The following UGT3A1 variants were observed in gnomAD, a reference collection of about 807,000 sequenced individuals.
The protein encoded by UGT3A1 is UDP glycosyltransferase family 3 member A1.
Under a neutral mutation model 37.6 loss-of-function variants are expected in UGT3A1, and 40 were observed. That is an observed-to-expected ratio of 1.06 (90% CI 0.83 to 1.38). UGT3A1 has a LOEUF of 1.38. UGT3A1 is among the 40% of genes most tolerant of loss of function. UGT3A1 has a pLI of 0.00. For synonymous variants in UGT3A1, 256 were observed against 232.3 expected (o/e 1.10, Z -0.93); for missense variants, 642 against 634.2 (o/e 1.01, Z -0.13).
chr5:35,957,331 T>G lies in UGT3A1; in HGVS notation c.932A>C (p.Glu311Ala). 6.2e-7 allele frequency: 1 copy of G among 1,614,176 alleles called. No homozygotes were observed. ...GSMLNTHQSQ[E>A]VLKKMHNAFA... The stretch of plus-strand genomic sequence containing the variant: ...GGCATTGTGCATCTTCTTGAGGACT[T>G]CCTGGGACTGATGGGTGTTCAACAT... Residue 311 changes from glutamate to alanine, a missense_variant, in exon 5 of 7, where the codon GAA becomes GCA. By Grantham distance (107) the Glu-to-Ala change is moderately radical (BLOSUM62 -1). Transcript: ENST00000274278.
At chr5:35,964,068 A>G (rs1739698113) in intron 4 of UGT3A1, among the ~76,000 whole-genome samples, 1 of 146,766 alleles carries the variant, frequency 6.8e-6, no homozygotes, top group East Asian at 2.0e-4. Context: ...AGTGTACTCA[A>G]TGCCACTGAA....
intron 1 of UGT3A1, among the ~76,000 whole-genome samples, chr5:35,998,984 C>T (rs948637190): frequency 2.0e-5 from 3 of 152,066 alleles, no homozygotes; most frequent in Non-Finnish European, 4.4e-5. Flanking sequence ...CGCCTGTAAT[C>T]CCAGCACTTT....
chr5:35,974,391 C>T (rs144028089), intron 2 of UGT3A1, among the ~76,000 whole-genome samples: 1 of 152,252 alleles, frequency 6.6e-6, no homozygotes, highest in African/African-American at 2.4e-5. Flanking sequence ...TGTAAGCTAG[C>T]ATGGTTGGAA....
At chr5:35,991,836 A>G (rs10056322), upstream of UGT3A1, among the ~76,000 whole-genome samples, 67 of 152,334 alleles carry the variant, frequency 4.4e-4, no homozygotes, top group African/African-American at 1.6e-3. Flanking sequence ...GATAACATTC[A>G]TGAAGAGGAG....
chr5:36,001,015 G>A (rs770651244), exon 1 of UGT3A1: 1 of 152,192 alleles, frequency 6.6e-6, no homozygotes, highest in African/African-American at 2.4e-5. Context: ...GTCTACCATG[G>A]TGGGTATCCC....
intron 2 of UGT3A1, among the ~76,000 whole-genome samples, chr5:35,978,526 T>A (rs1395335231): frequency 6.6e-6 from 1 of 151,674 alleles, no homozygotes; most frequent in African/African-American, 2.4e-5. Flanking sequence ...ACACAAGTTT[T>A]TACAAAACCA....
chr5:35,998,139 T>C (rs1741138751), intron 1 of UGT3A1, among the ~76,000 whole-genome samples: 1 of 152,184 alleles, frequency 6.6e-6, no homozygotes, highest in Non-Finnish European at 1.5e-5. Flanking sequence ...CAATCAGCTG[T>C]ACAACAAATA....
At chr5:35,956,824 T>G (rs1739372945) in intron 5 of UGT3A1, among the ~76,000 whole-genome samples, 2 of 152,180 alleles carry the variant, frequency 1.3e-5, no homozygotes, top group African/African-American at 4.8e-5. Flanking sequence ...GGCAACATAC[T>G]CCCAGATATA....
intron 2 of UGT3A1, among the ~76,000 whole-genome samples, chr5:35,972,814 A>T (rs929199124): frequency 6.6e-6 from 1 of 152,016 alleles, no homozygotes; most frequent in African/African-American, 2.4e-5. Flanking sequence ...TGGAAAGAAA[A>T]GAATGAGATC....
chr5:35,952,831 A>G lies in UGT3A1; in HGVS notation c.*1371T>C, dbSNP rs1212058455. On this transcript the variant is annotated 3_prime_UTR_variant, in exon 7 of 7. Coordinates refer to ENST00000274278, the MANE Select transcript of UGT3A1 (RefSeq NM_152404.4). ...TCATGCTTCTGGCTCTTGTGTCATG[A>G]GAACTCACAAAATGGATAGACATCC... 6.6e-6 allele frequency: 1 copy of G among 152,230 alleles called. No homozygotes were observed. Among genetic ancestry groups the G allele is most frequent in the Admixed American group, 6.5e-5 (1 of 15,292 alleles). 9.4% of individuals were successfully genotyped at this position (152,230 alleles called of 1,614,324 possible).
chr5:35,988,334 C>T (rs904914594), intron 2 of UGT3A1, 116 bp downstream of exon 2: 2 of 689,078 alleles, frequency 2.9e-6, no homozygotes, highest in Non-Finnish European at 4.8e-6. Flanking sequence ...CACATTTATT[C>T]ATCCCGAAAT....
At chr5:35,954,910 G>C (rs957762719) in intron 6 of UGT3A1, 1 of 165,846 alleles carries the variant, frequency 6.0e-6, no homozygotes, top group East Asian at 1.7e-4. Flanking sequence ...TAACCAAGAA[G>C]GTCACTATGC....
At chr5:35,974,710 T>C (rs563439621) in intron 2 of UGT3A1, among the ~76,000 whole-genome samples, 2 of 152,362 alleles carry the variant, frequency 1.3e-5, no homozygotes, top group South Asian at 2.1e-4. Flanking sequence ...TATGCAACTA[T>C]TGATCTGGCA....
intron 5 of UGT3A1, 99 bp from the exon 6 acceptor site, chr5:35,955,963 G>A (rs1366369688): frequency 9.1e-6 from 11 of 1,209,864 alleles, no homozygotes; most frequent in Non-Finnish European, 1.3e-5. Flanking sequence ...TGAAATCAAG[G>A]TCTGTTGAGA....
At chr5:35,976,575 C>T (rs1378148016) in intron 2 of UGT3A1, among the ~76,000 whole-genome samples, 1 of 152,108 alleles carries the variant, frequency 6.6e-6, no homozygotes, top group African/African-American at 2.4e-5. Context: ...CATAGTAGCT[C>T]ATGTCTGTAA....
At chr5:35,974,393 T>A (rs569798875) in intron 2 of UGT3A1, among the ~76,000 whole-genome samples, 4 of 152,140 alleles carry the variant, frequency 2.6e-5, no homozygotes, top group African/African-American at 9.7e-5. Flanking sequence ...TAAGCTAGCA[T>A]GGTTGGAAAG....
intron 4 of UGT3A1, chr5:35,962,645 C>T (rs1739633661): frequency 5.9e-6 from 3 of 506,822 alleles, no homozygotes; most frequent in South Asian, 5.1e-5. Context: ...AAAGCCTGCA[C>T]ATGTGGGGCC....
At chr5:35,977,246 A>G (rs1740325941) in intron 2 of UGT3A1, among the ~76,000 whole-genome samples, 3 of 152,224 alleles carry the variant, frequency 2.0e-5, no homozygotes, top group Non-Finnish European at 2.9e-5. Context: ...AATGTCTATC[A>G]ACAGAAAACT....
upstream of UGT3A1, among the ~76,000 whole-genome samples, chr5:35,996,068 A>G (rs111529193): frequency 6.8e-3 from 1,022 of 151,362 alleles, 13 homozygotes; most frequent in African/African-American, 0.023. Flanking sequence ...CAGGTTATGC[A>G]TTTACAGCTA....
Sources: gnomAD v4.1 joint callset for allele counts (sites outside exome capture counted in the v4.1 genomes callset) on GRCh38, gnomAD v4.1.1 for gene constraint, MANE v1.5 for transcripts, NCBI Gene and HGNC (gene_info 2026-07-23, HGNC 2026-07-21) for gene names.